FBXL7: variants seen among roughly 807,000 people sequenced by gnomAD.
FBXL7 encodes F-box and leucine rich repeat protein 7, also known as F-box/LRR-repeat protein 7.
In FBXL7, 12 loss-of-function variants were observed where a neutral mutation model predicts 38.3. The ratio of observed to expected loss-of-function variants is 0.31; its 90% CI spans 0.20 to 0.51. The LOEUF (loss-of-function observed/expected upper bound fraction) is 0.51. Ranked by LOEUF, FBXL7 falls within the 20% of genes least tolerant of loss-of-function variation. FBXL7 has a pLI of 0.98. For missense variants in FBXL7, 567 were observed against 676.4 expected, an observed-to-expected ratio of 0.84 and a Z score of 1.79; for synonymous variants, 297 against 300.9, an observed-to-expected ratio of 0.99 and a Z score of 0.13.
rs1554030839 is a variant in FBXL7, at chr5:15,880,721, T to TTTTA, written c.128-47168_128-47167insTTAT. On this transcript the variant is annotated intron_variant, in intron 2 of 3. Transcript: ENST00000504595. ...TAGTATATATAATATATATACTATATTATATATATATATATATAAAGTAAT... is the reference window on the plus strand; with the variant it reads ...TAGTATATATAATATATATACTATATTTTATATATATATATATATATAAAGTAAT... Among the ~76,000 whole-genome samples, 901 of 143,356 alleles carry TTTTA rather than the reference T, an allele frequency of 6.3e-3. 18 individuals are homozygous for TTTTA. Among genetic ancestry groups the TTTTA allele is most frequent in the African/African-American group, 0.022 (850 of 39,326 alleles). The allele number at this position is 143,356 out of a possible 152,430, so 94.0% of individuals were successfully genotyped here.
chr5:15,858,089 C>CT (rs1192073109), intron 2 of FBXL7, among the ~76,000 whole-genome samples: 1 of 151,746 alleles, frequency 6.6e-6, no homozygotes, highest in African/African-American at 2.4e-5. Flanking sequence ...AGTCTTATTC[C>CT]TTTTTTTCTT....
intron 2 of FBXL7, among the ~76,000 whole-genome samples, chr5:15,906,004 G>A (rs1187560473): frequency 2.6e-5 from 4 of 151,936 alleles, no homozygotes; most frequent in Non-Finnish European, 5.9e-5. Flanking sequence ...CAACGTAAAT[G>A]ATGAGCCAGA....
At chr5:15,723,709 A>C in intron 2 of FBXL7, among the ~76,000 whole-genome samples, 1 of 152,222 alleles carries the variant, frequency 6.6e-6, no homozygotes, top group East Asian at 1.9e-4. Flanking sequence ...AATTTGCTTA[A>C]TTATAAGTGT....
intron 2 of FBXL7, among the ~76,000 whole-genome samples, chr5:15,799,936 T>TA (rs397721602): frequency 6.6e-6 from 1 of 151,878 alleles, no homozygotes; most frequent in African/African-American, 2.4e-5. Context: ...TGTTTTTTTT[T>TA]ATTTTGTTGT....
At chr5:15,638,882 C>T (rs1368622584) in intron 2 of FBXL7, among the ~76,000 whole-genome samples, 1 of 152,066 alleles carries the variant, frequency 6.6e-6, no homozygotes, top group African/African-American at 2.4e-5. Context: ...GAAACTAGAT[C>T]GAGAGTAACA....
At position 15,727,095 on chromosome 5, in the gene FBXL7, G is replaced by A. The variant is rs369588559; in HGVS notation, c.127+111023G>A. Among the ~76,000 whole-genome samples the A allele has an allele frequency of 2.4e-3, 361 of 152,072 alleles. 3 individuals carry two copies. The highest frequency in any genetic ancestry group is 8.2e-3 in the African/African-American group (341 of 41,486). ...TACCAGCTTGGCTTCAATAACATAC[G>A]AAAACTCTGCTCCTTTATAGCTCCA... On this transcript the variant is annotated intron_variant, in intron 2 of 3. Coordinates refer to ENST00000504595, the MANE Select transcript of FBXL7 (RefSeq NM_012304.5).
At chr5:15,694,116 T>C (rs151097604) in intron 2 of FBXL7, among the ~76,000 whole-genome samples, 2 of 152,266 alleles carry the variant, frequency 1.3e-5, no homozygotes, top group African/African-American at 4.8e-5. Context: ...GACGCTGCTG[T>C]GGGGTCGGAG....
chr5:15,559,160 G>A (rs535379915), intron 1 of FBXL7, among the ~76,000 whole-genome samples: 24 of 152,270 alleles, frequency 1.6e-4, no homozygotes, highest in African/African-American at 5.1e-4. Flanking sequence ...GGAAACTAAG[G>A]ACATATCAGG....
intron 1 of FBXL7, among the ~76,000 whole-genome samples, chr5:15,598,904 G>T (rs899161174): frequency 2.6e-5 from 4 of 152,130 alleles, no homozygotes; most frequent in African/African-American, 9.7e-5. Flanking sequence ...GCAACACAAA[G>T]TTAGGGATGA....
At chr5:15,832,255 A>G (rs185519754) in intron 2 of FBXL7, among the ~76,000 whole-genome samples, 1 of 152,320 alleles carries the variant, frequency 6.6e-6, no homozygotes, top group East Asian at 1.9e-4. Flanking sequence ...TAGCAGAGAA[A>G]AAAGATATAG....
At chr5:15,618,488 T>C (rs1459044561) in intron 2 of FBXL7, among the ~76,000 whole-genome samples, 1 of 152,212 alleles carries the variant, frequency 6.6e-6, no homozygotes, top group East Asian at 1.9e-4. Flanking sequence ...CATTAAAATG[T>C]ATTTCAGGGA....
At chr5:15,900,022 A>G (rs566305144) in intron 2 of FBXL7, among the ~76,000 whole-genome samples, 1 of 151,966 alleles carries the variant, frequency 6.6e-6, no homozygotes, top group Non-Finnish European at 1.5e-5. Context: ...TAACCACACT[A>G]TGATCCAACT....
chr5:15,546,620 A>T (rs1454853534), intron 1 of FBXL7, among the ~76,000 whole-genome samples: 3 of 151,698 alleles, frequency 2.0e-5, no homozygotes, highest in Non-Finnish European at 4.4e-5. Flanking sequence ...AATTCCAGCT[A>T]CTTGGGAGGC....
chr5:15,928,014 G>C lies in FBXL7; in HGVS notation c.252G>C (p.Thr84=). 2 of 1,604,038 alleles carry C rather than the reference G, an allele frequency of 1.2e-6. No individual in the cohort carries two copies. Among genetic ancestry groups the C allele is most frequent in the Non-Finnish European group, 1.7e-6 (2 of 1,173,724 alleles). Residue 84 remains threonine, a synonymous_variant, in exon 3 of 4, where the codon ACG becomes ACC. Transcript: ENST00000504595. The surrounding 1 kb of genome is among the most constrained non-coding windows in gnomAD (Gnocchi z 4.0). The part of the protein sequence containing the change: ...STSSSSITGE[T]VAMVHSPPPT... ...CCTCGTCCTCCATCACCGGGGAGAC[G>C]GTGGCCATGGTGCACTCCCCGCCCC... is the stretch of plus-strand genomic sequence containing the variant.
chr5:15,821,015 T>C (rs1738154348), intron 2 of FBXL7, among the ~76,000 whole-genome samples: 1 of 152,182 alleles, frequency 6.6e-6, no homozygotes. Flanking sequence ...TGGGCTGCTG[T>C]CCTACTGCAG....
intron 2 of FBXL7, among the ~76,000 whole-genome samples, chr5:15,660,442 C>A (rs2126583262): frequency 6.6e-6 from 1 of 152,312 alleles, no homozygotes; most frequent in East Asian, 1.9e-4. Flanking sequence ...CTGCAACCTT[C>A]ACCTCCTAGG....
At chr5:15,588,407 T>C (rs937268412) in intron 1 of FBXL7, among the ~76,000 whole-genome samples, 1 of 146,758 alleles carries the variant, frequency 6.8e-6, no homozygotes, top group Non-Finnish European at 1.5e-5. Flanking sequence ...TTTTTTGAGA[T>C]GGAGTTTCGC....
chr5:15,526,141 G>A (rs1284130904), intron 1 of FBXL7, among the ~76,000 whole-genome samples: 5 of 152,176 alleles, frequency 3.3e-5, no homozygotes, highest in Non-Finnish European at 5.9e-5. Context: ...TTGAGTTAAT[G>A]TGTGAGGTCA....
intron 2 of FBXL7, among the ~76,000 whole-genome samples, chr5:15,722,656 C>T (rs752136839): frequency 1.3e-4 from 20 of 152,186 alleles, no homozygotes; most frequent in Admixed American, 3.9e-4. Context: ...AGTGCCTTTG[C>T]TCATGTCTGT....
Sources: gnomAD v4.1 joint callset for allele counts (sites outside exome capture counted in the v4.1 genomes callset) on GRCh38, gnomAD v4.1.1 for gene constraint, Gnocchi (gnomAD v3.1) non-coding constraint, MANE v1.5 for transcripts, NCBI Gene and HGNC (gene_info 2026-07-23, HGNC 2026-07-21) for gene names.